The following PDZD2 variants were observed in gnomAD, a reference collection of about 807,000 sequenced individuals.
PDZD2 encodes the protein PDZ domain containing 2.
In PDZD2, 90 loss-of-function variants were observed where a neutral mutation model predicts 220.7. The observed-to-expected ratio is 0.41, with a 90% confidence interval of 0.34 to 0.49. PDZD2 has a LOEUF of 0.49. Ranked by LOEUF, PDZD2 falls within the 20% of genes least tolerant of loss-of-function variation. The probability of loss-of-function intolerance (pLI) is 0.28; values close to 1 mark genes in which losing one functional copy is unlikely to be tolerated. For synonymous variants in PDZD2, 1,375 were observed against 1,450.5 expected (o/e 0.95, Z 1.18); for missense variants, 3,174 against 3,608.5 (o/e 0.88, Z 3.08).
At chr5:32,046,876 C>G (rs1450166131) in intron 7 of PDZD2, among the ~76,000 whole-genome samples, 1 of 151,998 alleles carries the variant, frequency 6.6e-6, no homozygotes, top group Non-Finnish European at 1.5e-5. Context: ...AACCCCATCT[C>G]TACTAAAAAT....
intron 1 of PDZD2, among the ~76,000 whole-genome samples, chr5:31,765,405 G>C (rs1751940887): frequency 6.6e-6 from 1 of 152,182 alleles, no homozygotes; most frequent in Admixed American, 6.5e-5. Flanking sequence ...GGAAAGGACT[G>C]CTTATTGTTT....
intron 1 of PDZD2, among the ~76,000 whole-genome samples, chr5:31,781,287 G>A (rs981385374): frequency 2.1e-4 from 32 of 152,296 alleles, no homozygotes; most frequent in African/African-American, 7.0e-4. Context: ...GGTGGTGCAC[G>A]TCTGTAATCC....
At chr5:31,846,840 C>A (rs1161919595) in intron 2 of PDZD2, among the ~76,000 whole-genome samples, 1 of 152,186 alleles carries the variant, frequency 6.6e-6, no homozygotes, top group East Asian at 1.9e-4. Flanking sequence ...CTTTTTACAG[C>A]TGCATAAGGT....
intron 1 of PDZD2, among the ~76,000 whole-genome samples, chr5:31,676,261 T>C (rs1746411701): frequency 6.6e-6 from 1 of 152,188 alleles, no homozygotes; most frequent in African/African-American, 2.4e-5. Context: ...TAAACAAAAG[T>C]GTCCAGTATG....
At chr5:31,680,893 C>T (rs1004868499) in intron 1 of PDZD2, among the ~76,000 whole-genome samples, 42 of 152,144 alleles carry the variant, frequency 2.8e-4, no homozygotes, top group African/African-American at 1.0e-3. Flanking sequence ...CAGCAACGGC[C>T]GCAGATCTAG....
chr5:31,888,907 G>A (rs1433599140), intron 2 of PDZD2, among the ~76,000 whole-genome samples: 10 of 152,100 alleles, frequency 6.6e-5, no homozygotes, highest in Non-Finnish European at 1.2e-4. Flanking sequence ...GGATGGAATG[G>A]AAATGTTCCC....
chr5:31,857,805 G>C (rs1400356282), intron 2 of PDZD2, among the ~76,000 whole-genome samples: 1 of 151,900 alleles, frequency 6.6e-6, no homozygotes, highest in Non-Finnish European at 1.5e-5. Flanking sequence ...GAGTTTTGTT[G>C]GTTTCGTGTG....
At chr5:31,863,948 C>T (rs913909015) in intron 2 of PDZD2, among the ~76,000 whole-genome samples, 2 of 152,136 alleles carry the variant, frequency 1.3e-5, no homozygotes, top group Non-Finnish European at 2.9e-5. Context: ...GCGTAACTTA[C>T]AGTTGTGTAT....
intron 2 of PDZD2, among the ~76,000 whole-genome samples, chr5:31,884,938 T>C (rs2150340753): frequency 6.6e-6 from 1 of 152,162 alleles, no homozygotes; most frequent in East Asian, 1.9e-4. Flanking sequence ...CCACTGTGCC[T>C]GGCCGGCCAC....
intron 2 of PDZD2, among the ~76,000 whole-genome samples, chr5:31,874,919 C>G (rs1739171051): frequency 1.3e-5 from 2 of 152,176 alleles, no homozygotes; most frequent in South Asian, 4.2e-4. Context: ...CCCTTTAACC[C>G]TGGGAAACCC....
At chr5:31,838,535 A>G (rs990018359) in intron 2 of PDZD2, among the ~76,000 whole-genome samples, 2 of 152,230 alleles carry the variant, frequency 1.3e-5, no homozygotes, top group African/African-American at 2.4e-5. Flanking sequence ...AAATTCAAAC[A>G]GGTAAACAGT....
chr5:31,935,132 CAGA>C (rs1561124965), intron 2 of PDZD2, among the ~76,000 whole-genome samples: 1 of 150,726 alleles, frequency 6.6e-6, no homozygotes, highest in African/African-American at 2.4e-5. Context: ...AAGAAGTAAA[CAGA>C]GGATGTTTGC....
intron 1 of PDZD2, among the ~76,000 whole-genome samples, chr5:31,797,784 G>C (rs1313944327): frequency 1.3e-5 from 2 of 152,164 alleles, no homozygotes; most frequent in Non-Finnish European, 2.9e-5. Flanking sequence ...GAGTAATAAG[G>C]TCATTTATTA....
At chr5:32,081,075 T>C (rs899035016) in intron 19 of PDZD2, among the ~76,000 whole-genome samples, 24 of 146,880 alleles carry the variant, frequency 1.6e-4, no homozygotes, top group African/African-American at 5.7e-4. Flanking sequence ...ATCCCAGAAC[T>C]TAAAAAAAAA....
rs1476615414 is a variant in PDZD2 at position 32,101,187 on chromosome 5, A to G, written c.8301A>G (p.Gly2767=). 44 of 1,613,878 alleles carry G rather than the reference A, an allele frequency of 2.7e-5. No homozygotes were observed. The highest frequency in any genetic ancestry group is 3.6e-5 in the Non-Finnish European group (43 of 1,179,916). ...GGCTGGGACTGAGTCTGGATGGGGG[A>G]AAATCATCGGTGACGGGAGATGGGC... ...SAGLGLSLDG[G]KSSVTGDGPL... is the part of the protein sequence containing the mutation. Residue 2767 remains glycine, a synonymous_variant, in exon 24 of 25, where the codon GGA becomes GGG. Coordinates refer to ENST00000438447, the MANE Select transcript of PDZD2 (RefSeq NM_178140.4).
At chr5:31,952,056 G>C (rs1053108467) in intron 2 of PDZD2, among the ~76,000 whole-genome samples, 3 of 152,014 alleles carry the variant, frequency 2.0e-5, no homozygotes, top group Admixed American at 2.0e-4. Flanking sequence ...AGAAAGATCT[G>C]GTCAGTATCT....
chr5:31,719,172 A>G (rs72755437), intron 1 of PDZD2, among the ~76,000 whole-genome samples: 1 of 152,334 alleles, frequency 6.6e-6, no homozygotes, highest in Non-Finnish European at 1.5e-5. Context: ...TGGTGTTCTC[A>G]CAAATATTCA....
chr5:32,011,619 G>A (rs552878768), intron 6 of PDZD2, among the ~76,000 whole-genome samples: 1 of 152,252 alleles, frequency 6.6e-6, no homozygotes, highest in Non-Finnish European at 1.5e-5. Context: ...GCTGTGGGGT[G>A]GGTGGGTGCC....
At chr5:31,906,858 CAA>C (rs2150363440) in intron 2 of PDZD2, among the ~76,000 whole-genome samples, 2 of 152,122 alleles carry the variant, frequency 1.3e-5, no homozygotes, top group East Asian at 3.9e-4. Flanking sequence ...AAAGAAAAAA[CAA>C]AAGAGACTAC....
Sources: gnomAD v4.1 joint callset for allele counts (sites outside exome capture counted in the v4.1 genomes callset) on GRCh38, gnomAD v4.1.1 for gene constraint, MANE v1.5 for transcripts, NCBI Gene and HGNC (gene_info 2026-07-23, HGNC 2026-07-21) for gene names.